PTPRD: variants seen among roughly 807,000 people sequenced by gnomAD.
PTPRD encodes the protein receptor-type tyrosine-protein phosphatase delta.
PTPRD carries 34 observed loss-of-function variants against 214.5 expected under a neutral mutation model. The ratio of observed to expected loss-of-function variants is 0.16; its 90% confidence interval spans 0.12 to 0.21. The LOEUF (loss-of-function observed/expected upper bound fraction) is 0.21, where lower values mean the gene tolerates loss of function less well. Ranked by LOEUF, PTPRD falls within the 10% of genes least tolerant of loss-of-function variation. PTPRD has a pLI of 1.00. For synonymous variants in PTPRD, 1,128 were observed against 845.7 expected (o/e 1.33, Z -5.79); for missense variants, 2,545 against 2,398.7 (o/e 1.06, Z -1.27).
chr9:8,482,469 A>G (rs906415016), intron 30 of PTPRD, among the ~76,000 whole-genome samples: 3 of 152,038 alleles, frequency 2.0e-5, no homozygotes, highest in African/African-American at 7.2e-5. Context: ...CAATGCATGA[A>G]CTATGAATAA....
intron 14 of PTPRD, among the ~76,000 whole-genome samples, chr9:8,569,417 A>G (rs1046598199): frequency 1.3e-5 from 2 of 152,156 alleles, no homozygotes; most frequent in Non-Finnish European, 2.9e-5. Context: ...ACAGACAGGC[A>G]GAGAGGGGAA....
intron 10 of PTPRD, among the ~76,000 whole-genome samples, chr9:9,021,055 A>G (rs1488192782): frequency 6.6e-6 from 1 of 152,220 alleles, no homozygotes; most frequent in African/African-American, 2.4e-5. Context: ...TGTGCTGCCA[A>G]TTTAACCTTT....
chr9:9,802,282 C>A (rs2099045772), intron 5 of PTPRD, among the ~76,000 whole-genome samples: 1 of 151,830 alleles, frequency 6.6e-6, no homozygotes, highest in Non-Finnish European at 1.5e-5. Context: ...CCTGTTGTTT[C>A]CCTCGTTTTT....
chr9:9,379,161 T>A (rs1327101153), intron 9 of PTPRD, among the ~76,000 whole-genome samples: 2 of 149,544 alleles, frequency 1.3e-5, no homozygotes, highest in African/African-American at 4.9e-5. Flanking sequence ...CCATTTGAGT[T>A]AAAAATTTTT....
intron 7 of PTPRD, among the ~76,000 whole-genome samples, chr9:9,705,928 A>G (rs549244770): frequency 6.5e-4 from 99 of 152,302 alleles, no homozygotes; most frequent in Non-Finnish European, 9.7e-4. Context: ...TGTATTAGGC[A>G]TCAAAGTGCA....
intron 7 of PTPRD, among the ~76,000 whole-genome samples, chr9:9,678,632 C>G (rs1430318884): frequency 6.6e-6 from 1 of 151,752 alleles, no homozygotes; most frequent in Admixed American, 6.6e-5. Flanking sequence ...ACTTTGGTGA[C>G]TATTCAGGGT....
intron 12 of PTPRD, among the ~76,000 whole-genome samples, chr9:8,712,223 T>G (rs145771605): frequency 6.6e-6 from 1 of 152,214 alleles, no homozygotes; most frequent in Non-Finnish European, 1.5e-5. Context: ...CTGTCCTTAG[T>G]AATTTTGGTA....
intron 14 of PTPRD, among the ~76,000 whole-genome samples, chr9:8,555,597 G>A (rs2083478574): frequency 6.6e-6 from 1 of 152,166 alleles, no homozygotes; most frequent in African/African-American, 2.4e-5. Flanking sequence ...AGTATCATCA[G>A]CCTTGCTGCC....
chr9:9,021,426 G>A (rs454619), intron 10 of PTPRD, among the ~76,000 whole-genome samples: 123,758 of 152,128 alleles, frequency 0.81, 51,140 homozygotes, highest in Middle Eastern at 0.87. Context: ...AATGGCATTA[G>A]TACTTGATAA....
chr9:8,867,456 C>T (rs776351978), intron 11 of PTPRD, among the ~76,000 whole-genome samples: 1 of 152,164 alleles, frequency 6.6e-6, no homozygotes, highest in Non-Finnish European at 1.5e-5. Flanking sequence ...AGAGAGACCT[C>T]CTGCTAGGTG....
intron 39 of PTPRD, among the ~76,000 whole-genome samples, chr9:8,353,025 C>G (rs557140334): frequency 1.3e-5 from 2 of 152,060 alleles, no homozygotes; most frequent in African/African-American, 4.8e-5. Context: ...ACAGGAGAAT[C>G]GCTTGAACCC....
intron 2 of PTPRD, among the ~76,000 whole-genome samples, chr9:10,595,930 G>A (rs2076533499): frequency 6.6e-6 from 1 of 151,782 alleles, no homozygotes; most frequent in East Asian, 1.9e-4. Flanking sequence ...GAAAGGATCA[G>A]ATACTGTCAT....
chr9:10,547,334 G>A (rs141075285), intron 2 of PTPRD, among the ~76,000 whole-genome samples: 3,239 of 151,260 alleles, frequency 0.021, 51 homozygotes, highest in South Asian at 0.068. Flanking sequence ...TTAAGTCACT[G>A]CCAGATTTGG....
intron 11 of PTPRD, among the ~76,000 whole-genome samples, chr9:8,942,853 G>A (rs1427965735): frequency 6.6e-6 from 1 of 151,986 alleles, no homozygotes; most frequent in African/African-American, 2.4e-5. Flanking sequence ...ATCCTTGTTT[G>A]CAGATGGTAT....
chr9:9,818,647 G>C (rs1157266699), intron 5 of PTPRD, among the ~76,000 whole-genome samples: 1 of 152,060 alleles, frequency 6.6e-6, no homozygotes, highest in Non-Finnish European at 1.5e-5. Flanking sequence ...GTCGGGCGTG[G>C]TGGCTCATGC....
chr9:8,423,700 C>T (rs915254008), intron 35 of PTPRD, among the ~76,000 whole-genome samples: 18 of 152,000 alleles, frequency 1.2e-4, no homozygotes, highest in Admixed American at 1.2e-3. Context: ...CAGGGTTAGA[C>T]AAGTAGGTAG....
intron 2 of PTPRD, among the ~76,000 whole-genome samples, chr9:10,576,439 C>A (rs1285602926): frequency 6.6e-6 from 1 of 151,858 alleles, no homozygotes; most frequent in East Asian, 1.9e-4. Flanking sequence ...GTATTTAAAA[C>A]CAATACATGA....
intron 35 of PTPRD, among the ~76,000 whole-genome samples, chr9:8,422,065 G>A (rs533087205): frequency 2.9e-4 from 41 of 141,470 alleles, no homozygotes; most frequent in African/African-American, 1.0e-3. Context: ...AGGATCATCT[G>A]AGCCTGTGGA....
At chr9:8,845,231 G>C (rs530430370) in intron 11 of PTPRD, among the ~76,000 whole-genome samples, 7 of 151,758 alleles carry the variant, frequency 4.6e-5, no homozygotes, top group African/African-American at 1.2e-4. Context: ...GGTCCTAACA[G>C]TTAACACCAC....
Sources: allele counts gnomAD v4.1 joint callset (sites outside exome capture counted in the v4.1 genomes callset), GRCh38; gene constraint gnomAD v4.1.1; transcripts MANE v1.5; gene names NCBI Gene and HGNC (gene_info 2026-07-23, HGNC 2026-07-21).